LRP5: variants seen among roughly 807,000 people sequenced by gnomAD.
LRP5 encodes low-density lipoprotein receptor-related protein 5.
LRP5 carries 62 observed loss-of-function variants against 154.1 expected under a neutral mutation model. The ratio of observed to expected loss-of-function variants is 0.40; its 90% confidence interval spans 0.33 to 0.50. LRP5 has a LOEUF of 0.50. Among genes scored for constraint, LRP5 ranks in the 20% least tolerant of loss-of-function variants. The pLI, the probability that LRP5 is intolerant of heterozygous loss-of-function variation, is 0.55. For missense variants in LRP5, 1,915 were observed against 2,336.7 expected, an observed-to-expected ratio of 0.82 and a Z score of 3.72; for synonymous variants, 966 against 1,011.5, an observed-to-expected ratio of 0.96 and a Z score of 0.85.
chr11:68,437,040 G>C, intron 19 of LRP5, 41 bp downstream of exon 19: 2 of 1,550,336 alleles, frequency 1.3e-6, no homozygotes, highest in Non-Finnish European at 1.8e-6. Flanking sequence ...GTCCGGGCTG[G>C]GTTCCCCCAG....
intron 7 of LRP5, among the ~76,000 whole-genome samples, chr11:68,393,056 G>A (rs1055309214): frequency 1.3e-5 from 2 of 151,880 alleles, no homozygotes; most frequent in Non-Finnish European, 2.9e-5. Context: ...CTTAAGCCCA[G>A]GAGGTCAAGG....
chr11:68,380,880 C>T (rs1161989687), intron 5 of LRP5, among the ~76,000 whole-genome samples: 1 of 152,240 alleles, frequency 6.6e-6, no homozygotes, highest in African/African-American at 2.4e-5. Context: ...CTCTTACCCT[C>T]TGCTCCCGGC....
chr11:68,374,269 G>C (rs1006960637), intron 5 of LRP5, among the ~76,000 whole-genome samples: 1 of 152,296 alleles, frequency 6.6e-6, no homozygotes, highest in East Asian at 1.9e-4. Context: ...CGCTCAGCTC[G>C]GGGCCGAATA....
Position 68,449,189 on chromosome 11 carries a change from G to C in LRP5, c.*119G>C. The stretch of plus-strand genomic sequence containing the variant: ...TATAATTGGGATTTTAAAAACATGA[G>C]AAATGTGAACTGTGATGGGGTGGGC... On this transcript the variant is annotated 3_prime_UTR_variant, in exon 23 of 23. Coordinates refer to ENST00000294304, the MANE Select transcript of LRP5 (RefSeq NM_002335.4). 5 of 493,262 alleles carry C rather than the reference G, an allele frequency of 1.0e-5. No individual in the cohort carries two copies. The highest frequency in any genetic ancestry group is 9.6e-6 in the Non-Finnish European group (3 of 312,978). The allele number at this position is 493,262 out of a possible 1,614,324, so 30.6% of individuals were successfully genotyped here. A position where few individuals can be genotyped will look rare whatever the true frequency, so the allele number is the denominator to read the frequency against.
chr11:68,424,275 G>A (rs575132962), intron 14 of LRP5, among the ~76,000 whole-genome samples: 1 of 152,224 alleles, frequency 6.6e-6, no homozygotes. Context: ...TAGCTGGGGG[G>A]CTGGCATGAA....
intron 7 of LRP5, among the ~76,000 whole-genome samples, chr11:68,399,563 G>A (rs879788351): frequency 7.2e-5 from 11 of 152,190 alleles, no homozygotes; most frequent in Admixed American, 2.6e-4. Flanking sequence ...CGGCACTGGC[G>A]TTCCTGGGTG....
chr11:68,397,460 C>G (rs181348391), intron 7 of LRP5, among the ~76,000 whole-genome samples: 2,488 of 152,274 alleles, frequency 0.016, 81 homozygotes, highest in African/African-American at 0.057. Context: ...CTGCCCCCGG[C>G]CCTCTCCCCT....
chr11:68,363,698 G>T, intron 3 of LRP5, 49 bp from the exon 4 acceptor site: 1 of 1,435,400 alleles, frequency 7.0e-7, no homozygotes, highest in Non-Finnish European at 9.8e-7. Flanking sequence ...AGCAATGACT[G>T]TCGGGGGACC....
chr11:68,314,090 A>G (rs1178402600), intron 1 of LRP5, among the ~76,000 whole-genome samples: 1 of 152,240 alleles, frequency 6.6e-6, no homozygotes, highest in East Asian at 1.9e-4. Context: ...AGGTGAAGAC[A>G]AAACAGCGAC....
At chr11:68,332,352 C>T (rs995520117) in intron 1 of LRP5, among the ~76,000 whole-genome samples, 11 of 152,242 alleles carry the variant, frequency 7.2e-5, no homozygotes, top group Admixed American at 1.3e-4. Flanking sequence ...GATGGGTCCA[C>T]GGCCAGCATT....
intron 1 of LRP5, among the ~76,000 whole-genome samples, chr11:68,331,167 G>A (rs190229435): frequency 1.3e-5 from 2 of 152,314 alleles, no homozygotes; most frequent in African/African-American, 4.8e-5. Flanking sequence ...ATCCTTTACT[G>A]GTTGGGAAGA....
chr11:68,383,451 G>A (rs2098641355), intron 5 of LRP5, among the ~76,000 whole-genome samples: 1 of 152,328 alleles, frequency 6.6e-6, no homozygotes, highest in East Asian at 1.9e-4. Context: ...GTTAAGCAGG[G>A]ACCTTTCGTG....
chr11:68,387,441 C>T (rs1157698471), intron 6 of LRP5, among the ~76,000 whole-genome samples: 1 of 152,200 alleles, frequency 6.6e-6, no homozygotes, highest in Non-Finnish European at 1.5e-5. Flanking sequence ...GAACACTTTG[C>T]ACACCATGGG....
rs755991257 is a variant in LRP5, at chr11:68,406,681, C to A, written c.1959C>A (p.Ala653=). 5 of 1,614,066 alleles carry A rather than the reference C, an allele frequency of 3.1e-6. No individual in the cohort carries two copies. The South Asian group carries it at 3.3e-5, about 11-fold the overall frequency. The part of the protein sequence containing the change: ...PEAFLVFTSR[A]AIHRISLETN... The stretch of plus-strand genomic sequence containing the variant: ...CCTTCTTGGTCTTCACCAGCAGAGC[C>A]GCCATCCACAGGATCTCCCTCGAGA... The change falls in exon 9 of 23, where the codon GCC becomes GCA. Residue 653 remains alanine (A), a synonymous_variant. Coordinates refer to ENST00000294304, the MANE Select transcript of LRP5 (RefSeq NM_002335.4).
chr11:68,316,242 A>G (rs558468849), intron 1 of LRP5, among the ~76,000 whole-genome samples: 4 of 152,216 alleles, frequency 2.6e-5, no homozygotes, highest in African/African-American at 9.6e-5. Context: ...TTCAGGAGTC[A>G]TCCAAGTAGT....
At chr11:68,436,456 C>T (rs1231959544) in intron 18 of LRP5, among the ~76,000 whole-genome samples, 1 of 152,182 alleles carries the variant, frequency 6.6e-6, no homozygotes, top group Admixed American at 6.5e-5. Context: ...GCTCCCTCCC[C>T]TCCCCTCCCC....
chr11:68,433,200 G>A (rs1011194055), intron 17 of LRP5, among the ~76,000 whole-genome samples: 5 of 152,228 alleles, frequency 3.3e-5, no homozygotes, highest in Admixed American at 2.0e-4. Flanking sequence ...GCACTCAGGC[G>A]TGGCTGAGCA....
chr11:68,429,129 T>C (rs552832683), intron 16 of LRP5, among the ~76,000 whole-genome samples: 31 of 146,842 alleles, frequency 2.1e-4, no homozygotes, highest in African/African-American at 7.8e-4. Flanking sequence ...GGTGCATGCC[T>C]GTAGTCCCAG....
At chr11:68,375,308 C>T (rs549274983) in intron 5 of LRP5, among the ~76,000 whole-genome samples, 3 of 152,344 alleles carry the variant, frequency 2.0e-5, no homozygotes, top group East Asian at 1.9e-4. Context: ...CTCGGGCTGC[C>T]GCTCACCTGC....
Sources: allele counts gnomAD v4.1 joint callset (sites outside exome capture counted in the v4.1 genomes callset), GRCh38; gene constraint gnomAD v4.1.1; transcripts MANE v1.5; gene names NCBI Gene and HGNC (gene_info 2026-07-23, HGNC 2026-07-21).